Variants in IDE observed in about 807,000 individuals in gnomAD.
IDE encodes the protein insulin degrading enzyme, also known as insulin-degrading enzyme.
In IDE, 58 loss-of-function variants were observed where a neutral mutation model predicts 133.2. That is an observed-to-expected ratio of 0.44 (90% CI 0.35 to 0.54). The LOEUF (loss-of-function observed/expected upper bound fraction) is 0.54, where lower values mean the gene tolerates loss of function less well. Among genes scored for constraint, IDE ranks in the 20% least tolerant of loss-of-function variants. IDE has a pLI of 0.00. For synonymous variants in IDE, 396 were observed against 421.3 expected (o/e 0.94, Z 0.73); for missense variants, 981 against 1,234.0 (o/e 0.79, Z 3.07).
intron 11 of IDE, among the ~76,000 whole-genome samples, chr10:92,492,000 C>T (rs1433136012): frequency 6.6e-6 from 1 of 152,060 alleles, no homozygotes; most frequent in East Asian, 1.9e-4. Context: ...GTGACTCATG[C>T]CTGTAATCCC....
chr10:92,479,719 G>A (rs1051424340), intron 14 of IDE: 25 of 259,556 alleles, frequency 9.6e-5, no homozygotes, highest in African/African-American at 3.7e-4. Flanking sequence ...TGACAAGTTA[G>A]AAATGCAGGG....
chr10:92,458,368 A>G (rs1845142788), intron 22 of IDE, among the ~76,000 whole-genome samples: 1 of 152,120 alleles, frequency 6.6e-6, no homozygotes, highest in South Asian at 2.1e-4. Flanking sequence ...GTCTTTCCCA[A>G]ACTTGTATGG....
chr10:92,497,853 A>G (rs1392036028), intron 11 of IDE: 1 of 195,822 alleles, frequency 5.1e-6, no homozygotes, highest in Admixed American at 6.5e-5. Context: ...ATAAGATATC[A>G]AATTTAGAAA....
chr10:92,556,143 G>A (rs563547006), intron 1 of IDE, among the ~76,000 whole-genome samples: 38 of 122,066 alleles, frequency 3.1e-4, no homozygotes, highest in African/African-American at 1.0e-3. Flanking sequence ...ACTGCAGTCC[G>A]CAGTCCGGCC....
At chr10:92,464,845 T>C (rs1293213085) in intron 20 of IDE, among the ~76,000 whole-genome samples, 1 of 152,186 alleles carries the variant, frequency 6.6e-6, no homozygotes, top group Non-Finnish European at 1.5e-5. Flanking sequence ...AATCTTTGTA[T>C]TTTTAGTAAA....
At position 92,536,558 on chromosome 10, in the gene IDE, C is replaced by T. The variant is rs535072637; in HGVS notation, c.283+808G>A. On this transcript the variant is annotated intron_variant, in intron 2 of 24. Coordinates refer to ENST00000265986, the MANE Select transcript of IDE (RefSeq NM_004969.4). ...TACTAAAAATACAGAATTAGGCGGG[C>T]GTGGTGGCACGCGCCTGTAATCCCA... is the stretch of plus-strand genomic sequence containing the variant. Among the ~76,000 whole-genome samples, 7 of 150,512 alleles carry T rather than the reference C, an allele frequency of 4.7e-5. No individual in the cohort carries two copies. In the East Asian group the frequency reaches 5.9e-4, roughly 13 times the overall value.
At chr10:92,458,958 C>T (rs985526466) in intron 22 of IDE, among the ~76,000 whole-genome samples, 1 of 152,116 alleles carries the variant, frequency 6.6e-6, no homozygotes, top group African/African-American at 2.4e-5. Flanking sequence ...CACTTCTTTT[C>T]CTCTATACAA....
At chr10:92,573,020 G>A (rs1843865059) in intron 1 of IDE, 2 of 985,150 alleles carry the variant, frequency 2.0e-6, no homozygotes, top group South Asian at 4.7e-5. Flanking sequence ...ACAGTGCCCT[G>A]CACTTAGTAG....
chr10:92,496,101 C>A (rs1345483880), intron 11 of IDE, among the ~76,000 whole-genome samples: 1 of 151,910 alleles, frequency 6.6e-6, no homozygotes, highest in African/African-American at 2.4e-5. Context: ...TCTTGAACAC[C>A]CAACCTCAGG....
chr10:92,515,194 A>C (rs1848838063), intron 4 of IDE, 152 bp from the exon 5 acceptor site: 1 of 627,234 alleles, frequency 1.6e-6, no homozygotes, highest in East Asian at 2.6e-5. Flanking sequence ...TAAGTGAATA[A>C]ACAGGATAAT....
chr10:92,541,267 T>C (rs1268215609), intron 1 of IDE: 1 of 467,842 alleles, frequency 2.1e-6, no homozygotes, highest in Non-Finnish European at 4.4e-6. Flanking sequence ...AGCATATCTA[T>C]AAACACTTCC....
intron 5 of IDE, among the ~76,000 whole-genome samples, chr10:92,514,245 G>A (rs1350765889): frequency 2.6e-5 from 4 of 152,006 alleles, no homozygotes; most frequent in African/African-American, 4.8e-5. Context: ...CAACACCATC[G>A]GCAGTGGGTA....
chr10:92,574,031 G>A lies in IDE; in HGVS notation c.-12C>T. The A allele has an allele frequency of 2.0e-6, 3 of 1,508,784 alleles. No homozygotes were observed. The highest frequency in any genetic ancestry group is 2.7e-5 in the East Asian group (1 of 36,536). 93.5% of individuals were successfully genotyped at this position (1,508,784 alleles called of 1,614,324 possible). The stretch of plus-strand genomic sequence containing the variant: ...AGCCGGTACCGCATTAGCCAGCGCA[G>A]TCGCCGGGATCACCGCAAACGCTTC... On this transcript the variant is annotated 5_prime_UTR_variant, in exon 1 of 25. Transcript: ENST00000265986.
At chr10:92,466,415 C>T (rs1413701354) in intron 19 of IDE, among the ~76,000 whole-genome samples, 1 of 151,466 alleles carries the variant, frequency 6.6e-6, no homozygotes, top group Non-Finnish European at 1.5e-5. Context: ...CTACTGGGTT[C>T]AAGCAATTCT....
At chr10:92,457,869 C>T (rs927449375) in intron 22 of IDE, among the ~76,000 whole-genome samples, 5 of 152,148 alleles carry the variant, frequency 3.3e-5, no homozygotes, top group Non-Finnish European at 7.4e-5. Context: ...GCAAAACAGC[C>T]CAGATTCTCA....
intron 2 of IDE, among the ~76,000 whole-genome samples, chr10:92,535,249 G>A (rs1280712235): frequency 2.6e-5 from 4 of 152,066 alleles, no homozygotes; most frequent in South Asian, 2.1e-4. Flanking sequence ...GACTACAGGC[G>A]CCCACCACCG....
intron 18 of IDE, 91 bp downstream of exon 18, chr10:92,470,163 C>A: frequency 1.2e-6 from 1 of 855,184 alleles, no homozygotes; most frequent in East Asian, 2.6e-5. Context: ...TTCCTTATCA[C>A]ACCATGCTGG....
intron 1 of IDE, among the ~76,000 whole-genome samples, chr10:92,547,222 C>T (rs545294110): frequency 2.0e-5 from 3 of 150,836 alleles, no homozygotes; most frequent in South Asian, 2.1e-4. Context: ...TACAGGCATA[C>T]GCCACCATGC....
intron 1 of IDE, among the ~76,000 whole-genome samples, chr10:92,556,961 A>G (rs1286674219): frequency 6.6e-6 from 1 of 152,042 alleles, no homozygotes. Context: ...AATTTAACAA[A>G]AGAAATGTAA....
Sources: gnomAD v4.1 joint callset for allele counts (sites outside exome capture counted in the v4.1 genomes callset) on GRCh38, gnomAD v4.1.1 for gene constraint, MANE v1.5 for transcripts, NCBI Gene and HGNC (gene_info 2026-07-23, HGNC 2026-07-21) for gene names.